TIAM1: variants seen among roughly 807,000 people sequenced by gnomAD.
TIAM1 encodes TIAM Rac1 associated GEF 1, also known as rho guanine nucleotide exchange factor TIAM1.
A neutral mutation model predicts 163.5 loss-of-function variants in TIAM1; 65 were observed. The ratio of observed to expected loss-of-function variants is 0.40; its 90% confidence interval spans 0.33 to 0.49. The LOEUF (loss-of-function observed/expected upper bound fraction) is 0.49, where lower values mean the gene tolerates loss of function less well. Ranked by LOEUF, TIAM1 falls within the 20% of genes least tolerant of loss-of-function variation. The pLI is 0.77. For missense variants in TIAM1, 1,789 were observed against 2,044.7 expected, an observed-to-expected ratio of 0.87 and a Z score of 2.41; for synonymous variants, 833 against 810.1, an observed-to-expected ratio of 1.03 and a Z score of -0.48.
chr21:31,270,913 C>T (rs1246195578), intron 3 of TIAM1, among the ~76,000 whole-genome samples: 1 of 152,166 alleles, frequency 6.6e-6, no homozygotes, highest in African/African-American at 2.4e-5. Flanking sequence ...TGCCTTTCCG[C>T]CTACTCCACC....
chr21:31,431,330 T>C (rs1174069074), intron 2 of TIAM1, among the ~76,000 whole-genome samples: 1 of 152,280 alleles, frequency 6.6e-6, no homozygotes, highest in East Asian at 1.9e-4. Context: ...AAACCTCTAG[T>C]TGTTGGGCTA....
chr21:31,269,837 A>G (rs2072978696), intron 3 of TIAM1, among the ~76,000 whole-genome samples: 1 of 151,846 alleles, frequency 6.6e-6, no homozygotes, highest in South Asian at 2.1e-4. Context: ...ACGCCTGGCT[A>G]ATTTTTTGTA....
At chr21:31,187,122 A>C (rs1380864164) in intron 13 of TIAM1, 35 bp from the exon 14 acceptor site, 1 of 1,593,526 alleles carries the variant, frequency 6.3e-7, no homozygotes, top group Admixed American at 1.7e-5. Context: ...GGCAGGGCTC[A>C]CACCTTCTGA....
intron 16 of TIAM1, 121 bp downstream of exon 16, chr21:31,164,841 G>A: frequency 7.3e-6 from 7 of 962,418 alleles, no homozygotes; most frequent in South Asian, 1.6e-5. Context: ...CAACATCTCA[G>A]AAGCAAAAAC....
intron 23 of TIAM1, 103 bp downstream of exon 23, chr21:31,135,830 T>A (rs1343742172): frequency 2.8e-6 from 3 of 1,083,664 alleles, no homozygotes; most frequent in Non-Finnish European, 2.8e-6. Flanking sequence ...GTAACTGCAA[T>A]TAACTTTATT....
intron 4 of TIAM1, among the ~76,000 whole-genome samples, chr21:31,264,650 G>A (rs1030044902): frequency 2.6e-5 from 4 of 152,244 alleles, no homozygotes; most frequent in African/African-American, 7.2e-5. Flanking sequence ...GTCTAATGCC[G>A]ATTTTCTTTT....
At chr21:31,428,451 T>C (rs1409569453) in intron 2 of TIAM1, among the ~76,000 whole-genome samples, 1 of 152,202 alleles carries the variant, frequency 6.6e-6, no homozygotes, top group Non-Finnish European at 1.5e-5. Flanking sequence ...TGATATACAT[T>C]AAGCGATTCT....
chr21:31,547,021 G>A (rs2048522353), intron 1 of TIAM1, among the ~76,000 whole-genome samples: 2 of 152,220 alleles, frequency 1.3e-5, no homozygotes, highest in South Asian at 4.2e-4. Context: ...CTTACTAGTT[G>A]CTAGTTGCTA....
At chr21:31,371,292 CCTGTCTTGCT>C (rs2076592357) in intron 2 of TIAM1, among the ~76,000 whole-genome samples, 1 of 152,158 alleles carries the variant, frequency 6.6e-6, no homozygotes, top group Non-Finnish European at 1.5e-5. Flanking sequence ...AGGACTGGCT[CCTGTCTTGCT>C]CCACAGACTC....
intron 2 of TIAM1, among the ~76,000 whole-genome samples, chr21:31,360,814 C>A (rs547712837): frequency 6.6e-6 from 1 of 152,120 alleles, no homozygotes; most frequent in African/African-American, 2.4e-5. Flanking sequence ...GGAGCTTGGC[C>A]ATGCTGGTTT....
In TIAM1 at chr21:31,266,064, G is replaced by A; in HGVS notation, c.909C>T (p.Asn303=). ...TGCTGTTGCTATGGCTAATTTGTGG[G>A]TTGGTGGCACCTTCAGAGAGACAGT... ...KSHCLSEGAT[N]PQISHSNSMQ... is the part of the protein sequence containing the mutation. The change falls in exon 4 of 28, where the codon AAC becomes AAT. Residue 303 remains asparagine, a synonymous_variant. Transcript: ENST00000541036. 2 of 1,614,208 alleles carry A rather than the reference G, an allele frequency of 1.2e-6. No homozygotes were observed. Among genetic ancestry groups the A allele is most frequent in the South Asian group, 2.2e-5 (2 of 91,084 alleles).
intron 2 of TIAM1, among the ~76,000 whole-genome samples, chr21:31,286,889 A>C (rs2073830677): frequency 1.3e-5 from 2 of 151,650 alleles, no homozygotes; most frequent in South Asian, 4.2e-4. Flanking sequence ...GTCCCAAGTC[A>C]CTCCCTGGGC....
chr21:31,380,360 A>G (rs1356689201), intron 2 of TIAM1, among the ~76,000 whole-genome samples: 1 of 152,206 alleles, frequency 6.6e-6, no homozygotes, highest in Non-Finnish European at 1.5e-5. Flanking sequence ...CCTGTCCAAC[A>G]TGGTGAAACC....
rs1324782047 is a variant in TIAM1 at position 31,210,095 on chromosome 21, C to A, written c.2338G>T (p.Val780Phe). 1 of 1,614,024 alleles carries A rather than the reference C, an allele frequency of 6.2e-7. No individual in the cohort carries two copies. The highest frequency in any genetic ancestry group is 8.5e-7 in the Non-Finnish European group (1 of 1,180,040). Reference protein sequence around the residue: ...CLPNNQPALTVVRPGDTARDT... With the variant: ...CLPNNQPALTFVRPGDTARDT... ...CGTGCAGTGTCGCCTGGCCGGACGA[C>A]CGTCAGGGCAGGCTGATTATTGGGC... is the stretch of plus-strand genomic sequence containing the variant. Residue 780 changes from valine to phenylalanine, a missense_variant, in exon 11 of 28, where the codon GTC becomes TTC. Val to Phe is a conservative substitution (Grantham distance 50). This residue lies in a region of TIAM1 where 456 missense variants were observed against 586.6 expected (regional missense o/e 0.78). Coordinates refer to ENST00000541036, the MANE Select transcript of TIAM1 (RefSeq NM_001353694.2).
chr21:31,448,080 C>T (rs2044694587), intron 2 of TIAM1, among the ~76,000 whole-genome samples: 1 of 152,180 alleles, frequency 6.6e-6, no homozygotes, highest in African/African-American at 2.4e-5. Flanking sequence ...CAATATCTTT[C>T]ACTCAGTCTA....
chr21:31,210,673 AAG>A (rs1249730702), intron 10 of TIAM1, among the ~76,000 whole-genome samples: 4 of 59,682 alleles, frequency 6.7e-5, no homozygotes, highest in Non-Finnish European at 9.5e-5. Context: ...AAGAAAAAGA[AAG>A]AAAGAAAGAA....
intron 2 of TIAM1, among the ~76,000 whole-genome samples, chr21:31,353,651 T>A (rs576662457): frequency 6.6e-6 from 1 of 152,126 alleles, no homozygotes; most frequent in African/African-American, 2.4e-5. Context: ...ACGGAGAGGT[T>A]AAATGAACTG....
intron 2 of TIAM1, among the ~76,000 whole-genome samples, chr21:31,408,811 T>A (rs1039465887): frequency 6.6e-6 from 1 of 152,170 alleles, no homozygotes; most frequent in African/African-American, 2.4e-5. Context: ...CACAAGAGCG[T>A]CAGCATCACT....
chr21:31,406,960 CCTT>C (rs1271153693), intron 2 of TIAM1, among the ~76,000 whole-genome samples: 5 of 152,280 alleles, frequency 3.3e-5, no homozygotes, highest in African/African-American at 4.8e-5. Flanking sequence ...CATTCTCCTC[CCTT>C]CTTGTCCTTC....
Sources: allele counts gnomAD v4.1 joint callset (sites outside exome capture counted in the v4.1 genomes callset), GRCh38; gene constraint gnomAD v4.1.1; regional missense constraint gnomAD v4.1.1; transcripts MANE v1.5; gene names NCBI Gene and HGNC (gene_info 2026-07-23, HGNC 2026-07-21).